Variants in SPATA16 observed in about 807,000 individuals in gnomAD.
SPATA16 encodes spermatogenesis associated 16.
A neutral mutation model predicts 63.3 loss-of-function variants in SPATA16; 36 were observed. The ratio of observed to expected loss-of-function variants is 0.57; its 90% CI spans 0.44 to 0.75. SPATA16 has a LOEUF of 0.75. Among genes scored for constraint, SPATA16 ranks in the 30% least tolerant of loss-of-function variants. The pLI, the probability that SPATA16 is intolerant of heterozygous loss-of-function variation, is 0.00. For missense variants in SPATA16, 646 were observed against 679.3 expected, an observed-to-expected ratio of 0.95 and a Z score of 0.54; for synonymous variants, 203 against 216.7, an observed-to-expected ratio of 0.94 and a Z score of 0.56.
intron 10 of SPATA16, among the ~76,000 whole-genome samples, chr3:172,894,530 A>G (rs944096137): frequency 9.9e-5 from 15 of 151,348 alleles, no homozygotes; most frequent in African/African-American, 3.4e-4. Flanking sequence ...CCAACTCTTG[A>G]AAATACCCAT....
intron 2 of SPATA16, among the ~76,000 whole-genome samples, chr3:173,072,600 G>T (rs1736700023): frequency 6.6e-6 from 1 of 152,138 alleles, no homozygotes; most frequent in Admixed American, 6.5e-5. Context: ...TCTCTTGTCT[G>T]CCACCATATA....
At chr3:173,010,184 T>C (rs1735033192) in intron 4 of SPATA16, among the ~76,000 whole-genome samples, 1 of 152,224 alleles carries the variant, frequency 6.6e-6, no homozygotes, top group South Asian at 2.1e-4. Flanking sequence ...TCTGGTTGGC[T>C]GCAGCTCTGA....
At chr3:173,053,131 G>A (rs538242213) in intron 2 of SPATA16, among the ~76,000 whole-genome samples, 1 of 152,246 alleles carries the variant, frequency 6.6e-6, no homozygotes, top group Non-Finnish European at 1.5e-5. Flanking sequence ...CGAGGCAGGC[G>A]GATCACCTGA....
rs1732487650 is a variant in SPATA16 at position 172,916,378 on chromosome 3, G to A, written c.1442C>T (p.Ala481Val). The A allele has an allele frequency of 2.5e-6, 4 of 1,613,678 alleles. No homozygotes were observed. In the African/African-American group the frequency reaches 5.3e-5, roughly 22 times the overall value. Residue 481 changes from alanine to valine, a missense_variant, in exon 9 of 11, where the codon GCA becomes GTA. Physicochemically the swap from Ala to Val is moderately conservative, Grantham distance 64 (BLOSUM62 0). Coordinates refer to ENST00000351008, the MANE Select transcript of SPATA16 (RefSeq NM_031955.6). Reference protein sequence around the residue: ...VKEQSQVINQAMAELATIPYL... With the variant: ...VKEQSQVINQVMAELATIPYL... ...GGGAATGGTTGCTAGCTCTGCCATT[G>A]CTTGATTAATCACCTGGGACTGCTC...
intron 2 of SPATA16, among the ~76,000 whole-genome samples, chr3:173,105,807 C>CCCTCCCTT (rs1553803587): frequency 6.8e-6 from 1 of 147,114 alleles, no homozygotes; most frequent in Non-Finnish European, 1.5e-5. Flanking sequence ...CTCCCTTCCT[C>CCCTCCCTT]CCTTCCTTCC....
intron 6 of SPATA16, among the ~76,000 whole-genome samples, chr3:172,950,131 TA>T (rs1167130330): frequency 6.6e-6 from 1 of 152,170 alleles, no homozygotes; most frequent in Non-Finnish European, 1.5e-5. Context: ...TCAGATCCCG[TA>T]AGACAATATG....
chr3:173,069,715 A>G (rs181342774), intron 2 of SPATA16, among the ~76,000 whole-genome samples: 4 of 152,354 alleles, frequency 2.6e-5, no homozygotes, highest in Admixed American at 2.0e-4. Context: ...TCTCTGATGG[A>G]CATAGATACA....
chr3:173,051,956 C>A (rs1158609319), intron 2 of SPATA16, among the ~76,000 whole-genome samples: 2 of 152,052 alleles, frequency 1.3e-5, no homozygotes, highest in African/African-American at 4.8e-5. Flanking sequence ...GGACTACAGG[C>A]ATGTGCCACC....
chr3:172,991,904 G>A (rs1189848350), intron 4 of SPATA16, among the ~76,000 whole-genome samples: 2 of 152,166 alleles, frequency 1.3e-5, no homozygotes, highest in Non-Finnish European at 2.9e-5. Context: ...TATTTATCAA[G>A]TGTTCACTAT....
intron 7 of SPATA16, among the ~76,000 whole-genome samples, chr3:172,925,089 C>G (rs1732696551): frequency 1.3e-5 from 2 of 152,008 alleles, no homozygotes; most frequent in Non-Finnish European, 2.9e-5. Context: ...AACTAGTATT[C>G]TTTAAGCACT....
intron 2 of SPATA16, among the ~76,000 whole-genome samples, chr3:173,099,379 C>A (rs1737436120): frequency 6.6e-6 from 1 of 152,050 alleles, no homozygotes; most frequent in African/African-American, 2.4e-5. Context: ...TTGTGTCTAA[C>A]TTATAAATTA....
chr3:173,091,336 C>CT (rs34963451), intron 2 of SPATA16, among the ~76,000 whole-genome samples: 47,233 of 149,222 alleles, frequency 0.32, 7,816 homozygotes, highest in African/African-American at 0.44. Flanking sequence ...ATTTATTTGA[C>CT]TTTTTTTTTT....
intron 10 of SPATA16, among the ~76,000 whole-genome samples, chr3:172,907,572 T>TG (rs1732270350): frequency 6.9e-6 from 1 of 145,058 alleles, no homozygotes; most frequent in South Asian, 2.2e-4. Context: ...TCAGGTTTGG[T>TG]GTTTTTTTTG....
intron 4 of SPATA16, among the ~76,000 whole-genome samples, chr3:173,006,305 A>G (rs1734944828): frequency 6.6e-6 from 1 of 152,358 alleles, no homozygotes; most frequent in East Asian, 1.9e-4. Flanking sequence ...GCTAGAACAC[A>G]CTAAACTGCC....
chr3:172,986,635 A>G (rs1393995731), intron 4 of SPATA16, among the ~76,000 whole-genome samples: 8 of 152,144 alleles, frequency 5.3e-5, no homozygotes, highest in Non-Finnish European at 8.8e-5. Flanking sequence ...GAGGAAGAGC[A>G]GGAAACTCCA....
rs532404090 is a variant in SPATA16, at chr3:172,956,747, A to G, written c.1011T>C (p.Ala337=). ...MYTPFATKIR[A]DKIEKVKDAF... is the part of the protein sequence containing the mutation. ...CATCTTTTACTTTTTCTATTTTATCAGCTCTTATTTTTGTCGCAAATGGTG... is the reference window on the plus strand; with the variant it reads ...CATCTTTTACTTTTTCTATTTTATCGGCTCTTATTTTTGTCGCAAATGGTG... Residue 337 remains alanine (A), a synonymous_variant, in exon 6 of 11, where the codon GCT becomes GCC. Transcript: ENST00000351008. The G allele has an allele frequency of 6.2e-7, 1 of 1,613,336 alleles. No individual in the cohort carries two copies. The highest frequency in any genetic ancestry group is 1.1e-5 in the South Asian group (1 of 91,058).
At chr3:172,896,412 A>G (rs1391341382) in intron 10 of SPATA16, among the ~76,000 whole-genome samples, 1 of 152,064 alleles carries the variant, frequency 6.6e-6, no homozygotes, top group Non-Finnish European at 1.5e-5. Flanking sequence ...TAGTAGAGAT[A>G]GAGTTTCATC....
intron 4 of SPATA16, among the ~76,000 whole-genome samples, chr3:172,995,102 A>G (rs1734666392): frequency 6.6e-6 from 1 of 152,108 alleles, no homozygotes; most frequent in African/African-American, 2.4e-5. Flanking sequence ...CTTAATGGAC[A>G]AGGAAAAGAA....
intron 2 of SPATA16, among the ~76,000 whole-genome samples, chr3:173,111,282 C>T (rs751408491): frequency 2.6e-4 from 40 of 152,016 alleles, no homozygotes; most frequent in Non-Finnish European, 2.2e-4. Context: ...TGGTGGCATG[C>T]GCCTGTAATC....
Sources: allele counts gnomAD v4.1 joint callset (sites outside exome capture counted in the v4.1 genomes callset), GRCh38; gene constraint gnomAD v4.1.1; transcripts MANE v1.5; gene names NCBI Gene and HGNC (gene_info 2026-07-23, HGNC 2026-07-21).